Variants in ZNF385D observed in about 807,000 individuals in gnomAD.
The protein encoded by ZNF385D is zinc finger protein 385D, also known as zinc finger protein 659.
In ZNF385D, 15 loss-of-function variants were observed where a neutral mutation model predicts 35.8. That is an observed-to-expected ratio of 0.42 (90% CI 0.28 to 0.64). The LOEUF (loss-of-function observed/expected upper bound fraction) is 0.64. Among genes scored for constraint, ZNF385D ranks in the 30% least tolerant of loss-of-function variants. ZNF385D has a pLI of 0.23. For synonymous variants in ZNF385D, 212 were observed against 186.8 expected (o/e 1.13, Z -1.10); for missense variants, 474 against 494.6 (o/e 0.96, Z 0.39).
At chr3:21,757,134 T>TTTG (rs1553654010) in intron 3 of ZNF385D, among the ~76,000 whole-genome samples, 6 of 128,266 alleles carry the variant, frequency 4.7e-5, no homozygotes, top group African/African-American at 1.8e-4. Flanking sequence ...TTTTTTTTTT[T>TTTG]TTTTTGTTTT....
At chr3:21,782,823 T>C (rs1408150519) in intron 3 of ZNF385D, among the ~76,000 whole-genome samples, 1 of 152,112 alleles carries the variant, frequency 6.6e-6, no homozygotes, top group African/African-American at 2.4e-5. Flanking sequence ...AATAAAAATG[T>C]AGGTCATGGT....
chr3:21,936,055 G>A (rs973811617), intron 3 of ZNF385D, among the ~76,000 whole-genome samples: 1 of 152,084 alleles, frequency 6.6e-6, no homozygotes, highest in Non-Finnish European at 1.5e-5. Context: ...TGAATGAATT[G>A]GAGTAGAGCA....
At chr3:21,724,477 C>CAAAAAAAAAAAAAA (rs200803155) in intron 1 of ZNF385D, among the ~76,000 whole-genome samples, 6 of 52,010 alleles carry the variant, frequency 1.2e-4, no homozygotes, top group African/African-American at 4.7e-4. Flanking sequence ...AATGGAAAGC[C>CAAAAAAAAAAAAAA]AAAAAAAAAA....
intron 3 of ZNF385D, among the ~76,000 whole-genome samples, chr3:21,526,380 A>T (rs984404714): frequency 6.6e-6 from 1 of 152,158 alleles, no homozygotes; most frequent in Non-Finnish European, 1.5e-5. Context: ...TATTAGTTCA[A>T]GTATCACTCC....
chr3:22,084,852 G>T (rs979250008), intron 3 of ZNF385D, among the ~76,000 whole-genome samples: 7 of 152,140 alleles, frequency 4.6e-5, no homozygotes, highest in African/African-American at 1.7e-4. Flanking sequence ...CAATGTAAAA[G>T]AACAGAAATC....
intron 3 of ZNF385D, among the ~76,000 whole-genome samples, chr3:21,798,615 AC>A (rs1379343869): frequency 2.0e-5 from 3 of 152,180 alleles, no homozygotes; most frequent in Non-Finnish European, 2.9e-5. Context: ...CTAATTAGAA[AC>A]CTTATTTATA....
intron 3 of ZNF385D, among the ~76,000 whole-genome samples, chr3:21,795,584 A>T (rs1353989424): frequency 6.6e-6 from 1 of 152,234 alleles, no homozygotes; most frequent in Non-Finnish European, 1.5e-5. Flanking sequence ...CTGAAACAGG[A>T]AAGATAAGCT....
chr3:21,769,186 C>T, intron 3 of ZNF385D, among the ~76,000 whole-genome samples: 2 of 151,956 alleles, frequency 1.3e-5, no homozygotes. Context: ...GACAGGGATG[C>T]CCTCTCTCTC....
At chr3:22,234,296 A>G (rs974358374) in intron 2 of ZNF385D, among the ~76,000 whole-genome samples, 7 of 152,078 alleles carry the variant, frequency 4.6e-5, no homozygotes, top group Non-Finnish European at 8.8e-5. Flanking sequence ...CTTAAATGCA[A>G]TGTGGTGATT....
At position 22,040,625 on chromosome 3, in the gene ZNF385D, C is replaced by T. The variant is rs369265819; in HGVS notation, c.325+128192G>A. On this transcript the variant is annotated intron_variant, in intron 3 of 5. Transcript: ENST00000494108. ...TAGTCTCAGATGGTATGATGGTATG[C>T]TTTTTGGACATGGTAAAGAATTATG... Among the ~76,000 whole-genome samples the T allele has an allele frequency of 5.9e-4, 90 of 151,854 alleles. 1 individual carries two copies. The highest frequency in any genetic ancestry group is 2.1e-3 in the African/African-American group (86 of 41,406).
chr3:21,890,999 A>C (rs955197864), intron 3 of ZNF385D, among the ~76,000 whole-genome samples: 1 of 152,174 alleles, frequency 6.6e-6, no homozygotes, highest in Non-Finnish European at 1.5e-5. Flanking sequence ...AAGCAAACCC[A>C]CTTGGAACTG....
intron 3 of ZNF385D, among the ~76,000 whole-genome samples, chr3:22,069,580 CTG>C (rs2125559505): frequency 6.6e-6 from 1 of 152,244 alleles, no homozygotes; most frequent in Admixed American, 6.5e-5. Context: ...ATAAGTATAT[CTG>C]TGTTTTAGAA....
chr3:22,191,065 A>G (rs966798260), intron 2 of ZNF385D, among the ~76,000 whole-genome samples: 1 of 152,180 alleles, frequency 6.6e-6, no homozygotes, highest in Admixed American at 6.6e-5. Flanking sequence ...GAATTAAGTT[A>G]AATACAGAAT....
intron 6 of ZNF385D, 51 bp from the exon 7 acceptor site, chr3:21,424,115 C>G: frequency 6.7e-7 from 1 of 1,481,838 alleles, no homozygotes; most frequent in South Asian, 1.3e-5. Context: ...TCTGCAAAAA[C>G]CTCTCACAAA....
chr3:22,101,798 C>T (rs1413100870), intron 3 of ZNF385D, among the ~76,000 whole-genome samples: 1 of 151,966 alleles, frequency 6.6e-6, no homozygotes, highest in Non-Finnish European at 1.5e-5. Context: ...GAATGGTATA[C>T]TTCTTGGAAA....
chr3:21,903,264 C>T (rs1699504921), intron 3 of ZNF385D, among the ~76,000 whole-genome samples: 1 of 152,120 alleles, frequency 6.6e-6, no homozygotes, highest in African/African-American at 2.4e-5. Context: ...GGAGGCATTT[C>T]CTTCTCTTTC....
chr3:21,520,827 C>T (rs909063401), intron 3 of ZNF385D, among the ~76,000 whole-genome samples: 2 of 152,094 alleles, frequency 1.3e-5, no homozygotes, highest in African/African-American at 4.8e-5. Flanking sequence ...ATGTTCAGTA[C>T]TCGGGAAATG....
chr3:22,155,479 A>T (rs372200889), intron 3 of ZNF385D, among the ~76,000 whole-genome samples: 1 of 152,092 alleles, frequency 6.6e-6, no homozygotes, highest in African/African-American at 2.4e-5. Context: ...CAGAATAGCA[A>T]GAATTACAAA....
At chr3:21,799,514 A>G (rs79639414) in intron 3 of ZNF385D, among the ~76,000 whole-genome samples, 13,772 of 152,146 alleles carry the variant, frequency 0.091, 724 homozygotes, top group South Asian at 0.13. Flanking sequence ...TATTGGTATT[A>G]AGTATATTTT....
Sources: allele counts gnomAD v4.1 joint callset (sites outside exome capture counted in the v4.1 genomes callset), GRCh38; gene constraint gnomAD v4.1.1; transcripts MANE v1.5; gene names NCBI Gene and HGNC (gene_info 2026-07-23, HGNC 2026-07-21).